Variants in ABCC9 observed in about 807,000 individuals in gnomAD.
The protein encoded by ABCC9 is ATP-binding cassette sub-family C member 9.
Under a neutral mutation model 188.3 loss-of-function variants are expected in ABCC9, and 95 were observed. That is an observed-to-expected ratio of 0.50 (90% CI 0.43 to 0.60). The LOEUF is 0.60. ABCC9 is among the 20% of genes least tolerant of loss of function. The pLI is 0.00. For missense variants in ABCC9, 1,102 were observed against 1,876.3 expected, an observed-to-expected ratio of 0.59 and a Z score of 7.62; for synonymous variants, 659 against 652.7, an observed-to-expected ratio of 1.01 and a Z score of -0.15.
intron 30 of ABCC9, chr12:21,830,984 A>ATCTATCTG (rs1943723540): frequency 7.0e-6 from 1 of 142,864 alleles, no homozygotes; most frequent in Admixed American, 6.7e-5. Context: ...TTATCTATCT[A>ATCTATCTG]TCTATCTATC....
At chr12:21,904,034 C>T (rs1947906076) in intron 12 of ABCC9, among the ~76,000 whole-genome samples, 1 of 152,188 alleles carries the variant, frequency 6.6e-6, no homozygotes, top group Admixed American at 6.5e-5. Flanking sequence ...AACCATACTA[C>T]AAGGCTACAG....
At chr12:21,847,367 C>T (rs1180268978) in intron 25 of ABCC9, among the ~76,000 whole-genome samples, 2 of 152,078 alleles carry the variant, frequency 1.3e-5, no homozygotes, top group African/African-American at 4.8e-5. Flanking sequence ...AGCCTTCATT[C>T]ATTAATTCAT....
intron 25 of ABCC9, among the ~76,000 whole-genome samples, chr12:21,846,473 T>C (rs562111379): frequency 2.8e-4 from 42 of 152,332 alleles, no homozygotes; most frequent in African/African-American, 9.4e-4. Context: ...GTTCCCATCT[T>C]TTGCTTTTCC....
At position 21,829,127 on chromosome 12, in the gene ABCC9, T is replaced by C. The variant is rs564784260; in HGVS notation, c.3567-67A>G. 4.7e-6 allele frequency: 5 copies of C among 1,062,690 alleles called. No individual in the cohort carries two copies. In the South Asian group the frequency reaches 6.3e-5, roughly 13 times the overall value. The allele number at this position is 1,062,690 out of a possible 1,614,324, so 65.8% of individuals were successfully genotyped here. A position where few individuals can be genotyped will look rare whatever the true frequency, so the allele number is the denominator to read the frequency against. On this transcript the variant is annotated intron_variant, in intron 30 of 39. Transcript: ENST00000261200. Reference sequence around the variant, plus strand: ...AGGTAATAAGAAACAGTCACACTTATTACTACACTATTTACTCAACACAGT... The same window carrying C: ...AGGTAATAAGAAACAGTCACACTTACTACTACACTATTTACTCAACACAGT...
chr12:21,895,123 A>G (rs1947337728), intron 13 of ABCC9, 152 bp downstream of exon 13: 5 of 672,874 alleles, frequency 7.4e-6, no homozygotes, highest in Non-Finnish European at 1.3e-5. Flanking sequence ...TTTACTGAGA[A>G]ACCCTGGATT....
chr12:21,865,919 A>G (rs991242127), intron 18 of ABCC9, among the ~76,000 whole-genome samples: 5 of 151,612 alleles, frequency 3.3e-5, no homozygotes, highest in Non-Finnish European at 5.9e-5. Flanking sequence ...CAGGTGGGGT[A>G]AAAGATGGTA....
At chr12:21,932,592 T>TA (rs1226871180) in intron 4 of ABCC9, among the ~76,000 whole-genome samples, 1 of 151,790 alleles carries the variant, frequency 6.6e-6, no homozygotes, top group Non-Finnish European at 1.5e-5. Flanking sequence ...AACAACCTCA[T>TA]AAAAAAGTGG....
chr12:21,826,610 G>A (rs1237512281), intron 31 of ABCC9, among the ~76,000 whole-genome samples: 1 of 152,186 alleles, frequency 6.6e-6, no homozygotes, highest in Non-Finnish European at 1.5e-5. Flanking sequence ...ACTCAGAAGA[G>A]CAGAGCGACA....
At chr12:21,925,806 T>G (rs1351306220) in intron 5 of ABCC9, 136 bp downstream of exon 5, 1 of 964,666 alleles carries the variant, frequency 1.0e-6, no homozygotes, top group South Asian at 1.6e-5. Flanking sequence ...ACAGGAGAAT[T>G]AATCACTGGT....
chr12:21,930,651 G>A (rs757376837), intron 4 of ABCC9, among the ~76,000 whole-genome samples: 5 of 152,116 alleles, frequency 3.3e-5, no homozygotes, highest in Admixed American at 6.6e-5. Flanking sequence ...ATGTGCAAAC[G>A]TGCACAGAAA....
intron 14 of ABCC9, among the ~76,000 whole-genome samples, chr12:21,889,637 G>A (rs573061273): frequency 6.6e-6 from 1 of 152,262 alleles, no homozygotes; most frequent in South Asian, 2.1e-4. Flanking sequence ...ATTAAGTAAA[G>A]TTGGTTGGTT....
At chr12:21,929,754 G>A (rs1949197749) in intron 4 of ABCC9, among the ~76,000 whole-genome samples, 1 of 152,076 alleles carries the variant, frequency 6.6e-6, no homozygotes, top group South Asian at 2.1e-4. Flanking sequence ...AACTAGAAGA[G>A]TGTGTTATCA....
At chr12:21,830,182 C>G (rs1032920192) in intron 30 of ABCC9, among the ~76,000 whole-genome samples, 1 of 152,152 alleles carries the variant, frequency 6.6e-6, no homozygotes, top group African/African-American at 2.4e-5. Flanking sequence ...AAGCCCTATC[C>G]ATTTAAACAT....
chr12:21,919,954 A>G (rs1948739831), intron 5 of ABCC9, among the ~76,000 whole-genome samples: 1 of 152,150 alleles, frequency 6.6e-6, no homozygotes. Flanking sequence ...TATTTGAAAA[A>G]CAGATCAATG....
chr12:21,924,040 T>G (rs1948948513), intron 5 of ABCC9: 1 of 439,272 alleles, frequency 2.3e-6, no homozygotes, highest in Admixed American at 4.1e-5. Flanking sequence ...TACATGAAGT[T>G]CTAGAACAGG....
At chr12:21,936,780 A>C in intron 2 of ABCC9, 86 bp from the exon 3 acceptor site, 1 of 962,666 alleles carries the variant, frequency 1.0e-6, no homozygotes, top group Non-Finnish European at 1.6e-6. Flanking sequence ...ATAGAGGGCT[A>C]TATCATAAAA....
At position 21,918,064 on chromosome 12, in the gene ABCC9, A is replaced by G. The variant is rs141713566; in HGVS notation, c.407-961T>C. Among the ~76,000 whole-genome samples the G allele has an allele frequency of 2.4e-3, 362 of 152,244 alleles. 4 individuals are homozygous for G. Among genetic ancestry groups the G allele is most frequent in the African/African-American group, 8.2e-3 (341 of 41,558 alleles). ...AAACAGACCAAATTATATGCTATCTAAAGAGATTCACCTTAAGTATTAGAG... is the reference window on the plus strand; with the variant it reads ...AAACAGACCAAATTATATGCTATCTGAAGAGATTCACCTTAAGTATTAGAG... On this transcript the variant is annotated intron_variant, in intron 5 of 39. Coordinates refer to ENST00000261200, the MANE Select transcript of ABCC9 (RefSeq NM_020297.4).
intron 22 of ABCC9, 61 bp from the exon 23 acceptor site, chr12:21,852,566 C>A: frequency 1.3e-6 from 2 of 1,576,550 alleles, no homozygotes; most frequent in South Asian, 2.2e-5. Flanking sequence ...TAACTCAATT[C>A]CTCTCGAAAA....
intron 21 of ABCC9, among the ~76,000 whole-genome samples, chr12:21,860,335 CA>C (rs1364741159): frequency 2.6e-5 from 4 of 152,178 alleles, no homozygotes; most frequent in African/African-American, 9.7e-5. Flanking sequence ...CTGGCTACAC[CA>C]CTACCTTGGC....
Sources: gnomAD v4.1 joint callset for allele counts (sites outside exome capture counted in the v4.1 genomes callset) on GRCh38, gnomAD v4.1.1 for gene constraint, MANE v1.5 for transcripts, NCBI Gene and HGNC (gene_info 2026-07-23, HGNC 2026-07-21) for gene names.